The following JAZF1 variants were observed in gnomAD, a reference collection of about 807,000 sequenced individuals.
The protein encoded by JAZF1 is juxtaposed with another zinc finger protein 1.
JAZF1 carries 8 observed loss-of-function variants against 26.4 expected under a neutral mutation model. That is an observed-to-expected ratio of 0.30 (90% CI 0.18 to 0.55). JAZF1 has a LOEUF of 0.55. Ranked by LOEUF, JAZF1 falls within the 20% of genes least tolerant of loss-of-function variation. The pLI is 0.94. For synonymous variants in JAZF1, 126 were observed against 122.3 expected, an observed-to-expected ratio of 1.03 and a Z score of -0.20; for missense variants, 199 against 322.0, an observed-to-expected ratio of 0.62 and a Z score of 2.92.
intron 2 of JAZF1, among the ~76,000 whole-genome samples, chr7:27,949,215 G>A (rs1477008488): frequency 6.6e-6 from 1 of 152,202 alleles, no homozygotes; most frequent in Non-Finnish European, 1.5e-5. Context: ...AGAAAGGGAT[G>A]AGCTGAGAAG....
rs1554328461 is a variant in JAZF1 at position 27,845,710 on chromosome 7, A to AG, written c.386-4844_386-4843insC. Among the ~76,000 whole-genome samples the AG allele has an allele frequency of 1.5e-4, 22 of 146,364 alleles. 1 individual carries two copies. The highest frequency in any genetic ancestry group is 6.6e-4 in the East Asian group (3 of 4,580). On this transcript the variant is annotated intron_variant, in intron 3 of 4. Transcript: ENST00000283928. ...AGACTCTGCCTCAAAAAAAAAAAAAAAAAAGAAAAGAAAAAGAAAAAGAAA... is the reference window on the plus strand; with the variant it reads ...AGACTCTGCCTCAAAAAAAAAAAAAAGAAAAGAAAAGAAAAAGAAAAAGAAA...
At chr7:27,842,569 C>T (rs1047610602) in intron 3 of JAZF1, 7 of 152,162 alleles carry the variant, frequency 4.6e-5, no homozygotes, top group Admixed American at 3.9e-4. Flanking sequence ...TTCTGCTGTA[C>T]TTGGCCATAG....
chr7:28,019,611 T>C (rs1346026843), intron 1 of JAZF1, among the ~76,000 whole-genome samples: 3 of 152,108 alleles, frequency 2.0e-5, no homozygotes, highest in Non-Finnish European at 4.4e-5. Flanking sequence ...TGAATTTACA[T>C]GTCTTTTCCT....
At chr7:28,151,800 A>G (rs1490419028) in intron 1 of JAZF1, among the ~76,000 whole-genome samples, 2 of 152,168 alleles carry the variant, frequency 1.3e-5, no homozygotes, top group Non-Finnish European at 2.9e-5. Context: ...TCAAAAAAAA[A>G]ACACAGAGGA....
chr7:28,065,374 A>G (rs1783863668), intron 1 of JAZF1, among the ~76,000 whole-genome samples: 4 of 145,480 alleles, frequency 2.7e-5, no homozygotes, highest in African/African-American at 7.7e-5. Flanking sequence ...AATGGAAGAA[A>G]CACAGTGAAA....
chr7:27,906,889 T>C (rs536554898), intron 2 of JAZF1, among the ~76,000 whole-genome samples: 10 of 152,256 alleles, frequency 6.6e-5, no homozygotes, highest in African/African-American at 1.9e-4. Context: ...AGCTGCACTT[T>C]ACAAGGTTTT....
intron 2 of JAZF1, among the ~76,000 whole-genome samples, chr7:27,969,472 G>A (rs1395265816): frequency 1.3e-5 from 2 of 151,966 alleles, no homozygotes; most frequent in African/African-American, 2.4e-5. Context: ...TGAACATCAC[G>A]TTTATGGCCT....
At chr7:27,943,499 G>A (rs568305511) in intron 2 of JAZF1, among the ~76,000 whole-genome samples, 3 of 152,280 alleles carry the variant, frequency 2.0e-5, no homozygotes, top group South Asian at 4.1e-4. Context: ...CTGAAATAAC[G>A]TGCTCCCTCT....
intron 1 of JAZF1, among the ~76,000 whole-genome samples, chr7:28,159,533 A>C (rs1455052601): frequency 2.0e-5 from 3 of 151,840 alleles, no homozygotes; most frequent in Non-Finnish European, 4.4e-5. Flanking sequence ...AGCCCTGGGA[A>C]GGTGTCTGGG....
intron 1 of JAZF1, among the ~76,000 whole-genome samples, chr7:28,004,229 G>A (rs150090147): frequency 6.6e-6 from 1 of 152,264 alleles, no homozygotes; most frequent in East Asian, 1.9e-4. Context: ...GCCAGTTGGA[G>A]TAGGTGTTCC....
chr7:27,940,112 C>T (rs1472184381), intron 2 of JAZF1, among the ~76,000 whole-genome samples: 1 of 152,218 alleles, frequency 6.6e-6, no homozygotes, highest in East Asian at 1.9e-4. Flanking sequence ...GCCCTCCTCT[C>T]ACCTGCTCCC....
In JAZF1 at chr7:28,180,455, C is replaced by A; in HGVS notation, c.115+8G>T. On this transcript the variant is annotated splice_region_variant and intron_variant, in intron 1 of 4. Coordinates refer to ENST00000283928, the MANE Select transcript of JAZF1 (RefSeq NM_175061.4). ...CCTGGCACCCCCGCCCACCCCCGGG[C>A]CATTTACCGATGTGGTTGTCCTCGA... The A allele has an allele frequency of 1.2e-6, 2 of 1,607,866 alleles. No homozygotes were observed. The highest frequency in any genetic ancestry group is 2.2e-5 in the South Asian group (2 of 90,808).
intron 1 of JAZF1, among the ~76,000 whole-genome samples, chr7:28,051,087 G>T (rs1218808768): frequency 1.5e-5 from 2 of 135,146 alleles, no homozygotes; most frequent in South Asian, 2.3e-4. Context: ...AGCCAAGATC[G>T]CACCATTGCA....
At chr7:28,090,964 C>T (rs928626131) in intron 1 of JAZF1, among the ~76,000 whole-genome samples, 7 of 150,764 alleles carry the variant, frequency 4.6e-5, no homozygotes, top group African/African-American at 1.5e-4. Context: ...GTAGCTGGGA[C>T]TACAGGCGCC....
At chr7:28,072,056 C>T (rs1783986341) in intron 1 of JAZF1, among the ~76,000 whole-genome samples, 1 of 152,182 alleles carries the variant, frequency 6.6e-6, no homozygotes, top group African/African-American at 2.4e-5. Context: ...TTCTAAAATC[C>T]ATCAAAATGA....
chr7:28,170,863 C>A (rs2127954469), intron 1 of JAZF1, among the ~76,000 whole-genome samples: 1 of 152,292 alleles, frequency 6.6e-6, no homozygotes, highest in East Asian at 1.9e-4. Context: ...CAAAGCCGGC[C>A]CTGGCTACCC....
At chr7:27,955,467 A>G (rs1289462323) in intron 2 of JAZF1, among the ~76,000 whole-genome samples, 1 of 152,244 alleles carries the variant, frequency 6.6e-6, no homozygotes, top group Admixed American at 6.5e-5. Flanking sequence ...CCTGATGGAC[A>G]TCACCTCCCT....
At chr7:27,859,784 G>T (rs930705696) in intron 3 of JAZF1, among the ~76,000 whole-genome samples, 4 of 152,106 alleles carry the variant, frequency 2.6e-5, no homozygotes, top group African/African-American at 9.7e-5. Flanking sequence ...CGGGTTGATG[G>T]GTGCAGCAAA....
intron 3 of JAZF1, among the ~76,000 whole-genome samples, chr7:27,882,886 C>G (rs150223436): frequency 1.6e-3 from 236 of 152,182 alleles, no homozygotes; most frequent in Non-Finnish European, 2.8e-3. Flanking sequence ...TTTGTCTGGG[C>G]TGTGAATTCT....
Sources: allele counts gnomAD v4.1 joint callset (sites outside exome capture counted in the v4.1 genomes callset), GRCh38; gene constraint gnomAD v4.1.1; transcripts MANE v1.5; gene names NCBI Gene and HGNC (gene_info 2026-07-23, HGNC 2026-07-21).